SLC44A3: variants seen among roughly 807,000 people sequenced by gnomAD.
SLC44A3 encodes the protein choline transporter-like protein 3.
SLC44A3 carries 74 observed loss-of-function variants against 75.4 expected under a neutral mutation model. The observed-to-expected ratio is 0.98, with a 90% CI of 0.81 to 1.19. SLC44A3 has a LOEUF of 1.19. Among genes scored for constraint, SLC44A3 ranks in the 50% most tolerant of loss-of-function variants. The probability of loss-of-function intolerance (pLI) is 0.00; values close to 1 mark genes in which losing one functional copy is unlikely to be tolerated. For missense variants in SLC44A3, 700 were observed against 778.6 expected (o/e 0.90, Z 1.20); for synonymous variants, 310 against 296.9 (o/e 1.04, Z -0.45).
At chr1:94,868,986 C>T (rs911151339) in intron 12 of SLC44A3, among the ~76,000 whole-genome samples, 1 of 152,252 alleles carries the variant, frequency 6.6e-6, no homozygotes, top group African/African-American at 2.4e-5. Context: ...GCCCTGGCCC[C>T]ATATACCATG....
Position 94,857,468 on chromosome 1 carries a change from A to G in SLC44A3, c.1206A>G (p.Ile402Met). 1 of 1,613,180 alleles carries G rather than the reference A, an allele frequency of 6.2e-7. No individual in the cohort carries two copies. Among genetic ancestry groups the G allele is most frequent in the Non-Finnish European group, 8.5e-7 (1 of 1,179,802 alleles). ...TCCTTGCGTGCCAGCAAATGACTAT[A>G]GCTGGGGCAGTGGTTACTTGTTATT... ...EFILACQQMT[I>M]AGAVVTCYFN... The change falls in exon 10 of 15, where the codon ATA becomes ATG. Residue 402 changes from isoleucine to methionine, a missense_variant. By Grantham distance (10) the Ile-to-Met change is conservative (BLOSUM62 1). Coordinates refer to ENST00000271227, the MANE Select transcript of SLC44A3 (RefSeq NM_001114106.3).
At chr1:94,870,189 A>T (rs1667600531) in intron 12 of SLC44A3, among the ~76,000 whole-genome samples, 1 of 152,250 alleles carries the variant, frequency 6.6e-6, no homozygotes. Flanking sequence ...GCATACTGAA[A>T]AAATTACATG....
intron 12 of SLC44A3, among the ~76,000 whole-genome samples, chr1:94,883,686 A>T (rs1014184657): frequency 1.3e-5 from 2 of 152,172 alleles, no homozygotes; most frequent in Non-Finnish European, 2.9e-5. Flanking sequence ...ACCCTATGTT[A>T]AAAAAACAAT....
At chr1:94,876,160 G>C (rs945734253) in intron 12 of SLC44A3, among the ~76,000 whole-genome samples, 3 of 152,252 alleles carry the variant, frequency 2.0e-5, no homozygotes, top group African/African-American at 7.2e-5. Flanking sequence ...AAGGGCTAGA[G>C]TGGGGAGGTG....
chr1:94,876,793 C>T (rs954886928), intron 12 of SLC44A3, among the ~76,000 whole-genome samples: 2 of 152,198 alleles, frequency 1.3e-5, no homozygotes, highest in Non-Finnish European at 2.9e-5. Flanking sequence ...TTTGAGTTCT[C>T]ATGCCACTGG....
intron 9 of SLC44A3, among the ~76,000 whole-genome samples, chr1:94,847,409 C>A (rs906977884): frequency 6.6e-6 from 1 of 152,166 alleles, no homozygotes; most frequent in Non-Finnish European, 1.5e-5. Context: ...TCACAGGTGG[C>A]GCTTCCACCC....
At chr1:94,878,429 C>G (rs539756924) in intron 12 of SLC44A3, among the ~76,000 whole-genome samples, 4 of 152,050 alleles carry the variant, frequency 2.6e-5, no homozygotes, top group Non-Finnish European at 4.4e-5. Context: ...CAGTATCAGC[C>G]CCGGGTTCAT....
chr1:94,863,561 G>GA (rs1012129515), intron 10 of SLC44A3, among the ~76,000 whole-genome samples: 13 of 151,764 alleles, frequency 8.6e-5, no homozygotes, highest in East Asian at 3.9e-4. Context: ...TGAGGGAAGG[G>GA]AAAAAAAAGT....
At chr1:94,874,507 G>A (rs1668073513) in intron 12 of SLC44A3, among the ~76,000 whole-genome samples, 1 of 152,236 alleles carries the variant, frequency 6.6e-6, no homozygotes, top group Non-Finnish European at 1.5e-5. Flanking sequence ...TGCCTTCTCA[G>A]AGAGGGAAGT....
At chr1:94,821,148 C>A in intron 2 of SLC44A3, 92 bp downstream of exon 2, 1 of 979,362 alleles carries the variant, frequency 1.0e-6, no homozygotes, top group Non-Finnish European at 1.5e-6. Flanking sequence ...GTTGGTGCTG[C>A]AGTGAGAGAC....
At chr1:94,824,216 C>T (rs1018709221) in intron 2 of SLC44A3, among the ~76,000 whole-genome samples, 4 of 152,010 alleles carry the variant, frequency 2.6e-5, no homozygotes, top group African/African-American at 9.7e-5. Context: ...AAATGATAGA[C>T]TCTTAAGGAA....
chr1:94,820,450 C>G lies in SLC44A3; in HGVS notation c.-2C>G. ...TCACCGGCCCCCGCCGGCGAGCGCA[C>G]GATGCACTGCCTGGGCGCCGAGTAC... On this transcript the variant is annotated 5_prime_UTR_variant, in exon 1 of 15. Transcript: ENST00000271227. 2.0e-6 allele frequency: 3 copies of G among 1,470,906 alleles called. No individual in the cohort carries two copies. Among genetic ancestry groups the G allele is most frequent in the Non-Finnish European group, 1.8e-6 (2 of 1,114,604 alleles). 91.1% of individuals were successfully genotyped at this position (1,470,906 alleles called of 1,614,324 possible).
In SLC44A3 at chr1:94,828,593, G is replaced by A. The variant is rs113953918; in HGVS notation, c.509+7G>A. 4 of 1,612,988 alleles carry A rather than the reference G, an allele frequency of 2.5e-6. No homozygotes were observed. The highest frequency in any genetic ancestry group is 3.4e-6 in the Non-Finnish European group (4 of 1,179,426). ...GGCTACCAGTTCCTCCAAGGTAAAAGCTTCCATACTTTTTCCTTAACTCTA... is the reference window on the plus strand; with the variant it reads ...GGCTACCAGTTCCTCCAAGGTAAAAACTTCCATACTTTTTCCTTAACTCTA... On this transcript the variant is annotated splice_region_variant and intron_variant, in intron 5 of 14. Coordinates refer to ENST00000271227, the MANE Select transcript of SLC44A3 (RefSeq NM_001114106.3).
At chr1:94,884,286 A>G (rs1669320958) in intron 12 of SLC44A3, among the ~76,000 whole-genome samples, 1 of 71,188 alleles carries the variant, frequency 1.4e-5, no homozygotes, top group South Asian at 4.1e-4. Context: ...AAGGGATCTG[A>G]ACGGTGAATG....
chr1:94,876,780 A>C (rs1332267160), intron 12 of SLC44A3, among the ~76,000 whole-genome samples: 1 of 152,164 alleles, frequency 6.6e-6, no homozygotes, highest in Non-Finnish European at 1.5e-5. Context: ...CCTGATTTCT[A>C]ACTTTGAGTT....
At chr1:94,862,165 A>G (rs1666652789) in intron 10 of SLC44A3, among the ~76,000 whole-genome samples, 1 of 152,200 alleles carries the variant, frequency 6.6e-6, no homozygotes, top group Non-Finnish European at 1.5e-5. Flanking sequence ...TCCAAACCCC[A>G]TCTTGCAGTG....
At chr1:94,820,635 C>G in intron 1 of SLC44A3, 157 bp downstream of exon 1, 1 of 1,383,810 alleles carries the variant, frequency 7.2e-7, no homozygotes, top group Non-Finnish European at 9.3e-7. Flanking sequence ...CGGGGAGGAA[C>G]CTGGACCCTG....
intron 12 of SLC44A3, among the ~76,000 whole-genome samples, chr1:94,889,885 T>C (rs1027477934): frequency 6.6e-6 from 1 of 152,044 alleles, no homozygotes; most frequent in African/African-American, 2.4e-5. Context: ...AGTTTCGCTC[T>C]TGTTGCCCAG....
chr1:94,820,684 C>G, intron 1 of SLC44A3: 1 of 1,378,250 alleles, frequency 7.3e-7, no homozygotes, highest in Non-Finnish European at 9.3e-7. Flanking sequence ...ACGCGGGCCG[C>G]GGGGCGCAAA....
Sources: allele counts gnomAD v4.1 joint callset (sites outside exome capture counted in the v4.1 genomes callset), GRCh38; gene constraint gnomAD v4.1.1; transcripts MANE v1.5; gene names NCBI Gene and HGNC (gene_info 2026-07-23, HGNC 2026-07-21).